The following PCNX1 variants were observed in gnomAD, a reference collection of about 807,000 sequenced individuals.
PCNX1 encodes the protein pecanex 1, also known as pecanex-like protein 1.
PCNX1 carries 78 observed loss-of-function variants against 242.2 expected under a neutral mutation model. The observed-to-expected ratio is 0.32, with a 90% CI of 0.27 to 0.39. PCNX1 has a LOEUF of 0.39. Ranked by LOEUF, PCNX1 falls within the 10% of genes least tolerant of loss-of-function variation. The pLI is 1.00. For missense variants in PCNX1, 2,581 were observed against 2,856.5 expected (o/e 0.90, Z 2.20); for synonymous variants, 1,024 against 1,032.9 (o/e 0.99, Z 0.17).
chr14:71,103,224 C>T (rs2062510676), intron 31 of PCNX1, among the ~76,000 whole-genome samples, 171 bp from the exon 32 acceptor site: 1 of 152,168 alleles, frequency 6.6e-6, no homozygotes, highest in South Asian at 2.1e-4. Context: ...CTGCTAATGA[C>T]AAAGGGAAAT....
intron 26 of PCNX1, among the ~76,000 whole-genome samples, chr14:71,073,298 AAAAC>A (rs2061631997): frequency 6.6e-6 from 1 of 152,232 alleles, no homozygotes; most frequent in Non-Finnish European, 1.5e-5. Context: ...ACTCTGTCTC[AAAAC>A]AAACAAAAAA....
At chr14:71,042,267 G>A (rs759297111) in intron 19 of PCNX1, among the ~76,000 whole-genome samples, 2 of 152,110 alleles carry the variant, frequency 1.3e-5, no homozygotes, top group Non-Finnish European at 2.9e-5. Flanking sequence ...TGAAATCGAG[G>A]TGTTGATGTT....
At chr14:71,005,230 TG>T (rs979112854) in intron 8 of PCNX1, among the ~76,000 whole-genome samples, 1 of 152,126 alleles carries the variant, frequency 6.6e-6, no homozygotes, top group African/African-American at 2.4e-5. Flanking sequence ...AGGCTGGGCG[TG>T]GTGGCTAACA....
chr14:70,947,315 G>A (rs2057496448), intron 2 of PCNX1, among the ~76,000 whole-genome samples, 192 bp downstream of exon 2: 1 of 152,128 alleles, frequency 6.6e-6, no homozygotes, highest in African/African-American at 2.4e-5. Context: ...GTGTTTGGGG[G>A]ATTAAATCAA....
At chr14:71,080,272 G>T (rs1190528472) in intron 28 of PCNX1, among the ~76,000 whole-genome samples, 1 of 152,140 alleles carries the variant, frequency 6.6e-6, no homozygotes, top group East Asian at 1.9e-4. Context: ...TTTGATTACT[G>T]TAGCCTTGCA....
At chr14:71,004,456 A>G (rs889642849) in intron 8 of PCNX1, among the ~76,000 whole-genome samples, 1 of 152,176 alleles carries the variant, frequency 6.6e-6, no homozygotes, top group Non-Finnish European at 1.5e-5. Context: ...CATGAACCCT[A>G]TTGTAAACTG....
intron 31 of PCNX1, among the ~76,000 whole-genome samples, chr14:71,102,422 T>C (rs941409299): frequency 1.3e-5 from 2 of 152,014 alleles, no homozygotes; most frequent in Admixed American, 6.6e-5. Flanking sequence ...TGCACCACCA[T>C]GTCCGGCTAA....
rs144508419 is a variant in PCNX1 at position 71,076,314 on chromosome 14, A to C, written c.5232A>C (p.Pro1744=). The C allele has an allele frequency of 2.0e-5, 32 of 1,613,926 alleles. No homozygotes were observed. The highest frequency in any genetic ancestry group is 2.5e-5 in the Non-Finnish European group (30 of 1,179,930). Residue 1744 remains proline (P), a synonymous_variant, in exon 28 of 36, where the codon CCA becomes CCC. Transcript: ENST00000304743. ...TCGATGTGGACCCGACCTTTAATCC[A>C]AACATTGATGAAGACTATGACCACC... ...NYVDVDPTFN[P]NIDEDYDHRL...
At chr14:71,037,596 G>A (rs1377244471) in intron 19 of PCNX1, among the ~76,000 whole-genome samples, 1 of 150,016 alleles carries the variant, frequency 6.7e-6, no homozygotes, top group Non-Finnish European at 1.5e-5. Context: ...TACATTTATT[G>A]ATTTGCATAT....
intron 28 of PCNX1, among the ~76,000 whole-genome samples, chr14:71,084,232 G>A (rs183026516): frequency 3.9e-5 from 6 of 152,330 alleles, no homozygotes; most frequent in African/African-American, 1.4e-4. Context: ...CTTCGTCCCA[G>A]AGGGGCACCC....
At position 70,988,634 on chromosome 14, in the gene PCNX1, A is replaced by ACGGCGC. The variant is rs1566664473; in HGVS notation, c.2384_2389dup (p.Arg795_Arg796dup). On this transcript the variant is annotated inframe_insertion, in exon 7 of 36. Transcript: ENST00000304743. ...GCAGCACATTTAGGCGCCAGGCAGT[A>ACGGCGC]CGGCGCCGGCACAATGCAGGGAGTA... 6.2e-7 allele frequency: 1 copy of ACGGCGC among 1,614,036 alleles called. No homozygotes were observed. Among genetic ancestry groups the ACGGCGC allele is most frequent in the Non-Finnish European group, 8.5e-7 (1 of 1,179,892 alleles).
At chr14:71,026,335 A>G (rs2060243000) in intron 14 of PCNX1, 47 bp downstream of exon 14, 3 of 1,157,104 alleles carry the variant, frequency 2.6e-6, no homozygotes, top group Non-Finnish European at 3.6e-6. Flanking sequence ...ATTTATTTGT[A>G]TATCAACATT....
At chr14:70,922,099 C>G (rs2056401666) in intron 1 of PCNX1, among the ~76,000 whole-genome samples, 1 of 152,076 alleles carries the variant, frequency 6.6e-6, no homozygotes, top group East Asian at 1.9e-4. Flanking sequence ...GAAGAAATTG[C>G]TGAGTAACTG....
In PCNX1 at chr14:70,907,968, C is replaced by T; in HGVS notation, c.118C>T (p.Leu40Phe). Residue 40 changes from leucine (L) to phenylalanine (F), a missense_variant, in exon 1 of 36, where the codon CTC (leucine) becomes TTC (phenylalanine). Physicochemically the swap from Leu to Phe is conservative, Grantham distance 22 (BLOSUM62 0). Around this residue, in one of 9 missense-constraint regions of PCNX1, gnomAD observed 1,204 missense variants for 1,216.7 expected, o/e 0.99. Coordinates refer to ENST00000304743, the MANE Select transcript of PCNX1 (RefSeq NM_014982.3). The part of the protein sequence containing the change: ...FVNALHLYLW[L>F]FLLGLPFTLY... ...GAACGCGCTGCACCTCTACCTGTGGCTCTTTCTGCTGGGCCTGCCCTTCAC... is the reference window on the plus strand; with the variant it reads ...GAACGCGCTGCACCTCTACCTGTGGTTCTTTCTGCTGGGCCTGCCCTTCAC... 1.3e-6 allele frequency: 2 copies of T among 1,598,222 alleles called. No individual in the cohort carries two copies. Among genetic ancestry groups the T allele is most frequent in the South Asian group, 1.1e-5 (1 of 89,506 alleles).
chr14:71,068,539 G>A (rs1172472902), intron 26 of PCNX1, among the ~76,000 whole-genome samples: 2 of 147,628 alleles, frequency 1.4e-5, no homozygotes, highest in East Asian at 2.0e-4. Flanking sequence ...GTGTGAATCC[G>A]TCCAGTCCTG....
chr14:71,001,086 G>A (rs1381968339), intron 8 of PCNX1, among the ~76,000 whole-genome samples: 1 of 152,146 alleles, frequency 6.6e-6, no homozygotes, highest in Non-Finnish European at 1.5e-5. Context: ...TTAGAACAGT[G>A]CTCGACAATT....
At chr14:70,940,114 A>T (rs1425879815) in intron 1 of PCNX1, among the ~76,000 whole-genome samples, 1 of 152,170 alleles carries the variant, frequency 6.6e-6, no homozygotes, top group Non-Finnish European at 1.5e-5. Context: ...TAATTGGAGC[A>T]TTTAGCCCAA....
At chr14:70,985,879 C>T (rs2058986609) in intron 6 of PCNX1, among the ~76,000 whole-genome samples, 1 of 152,120 alleles carries the variant, frequency 6.6e-6, no homozygotes, top group African/African-American at 2.4e-5. Context: ...TCTCCCTTCT[C>T]TCTGATTCCC....
At chr14:70,912,234 CA>C (rs368805380) in intron 1 of PCNX1, among the ~76,000 whole-genome samples, 1,444 of 107,362 alleles carry the variant, frequency 0.013, 9 homozygotes, top group South Asian at 0.024. Context: ...GACTCTGTCT[CA>C]AAAAAAAAAA....
Sources: allele counts gnomAD v4.1 joint callset (sites outside exome capture counted in the v4.1 genomes callset), GRCh38; gene constraint gnomAD v4.1.1; regional missense constraint gnomAD v4.1.1; transcripts MANE v1.5; gene names NCBI Gene and HGNC (gene_info 2026-07-23, HGNC 2026-07-21).